GABRB2: variants seen among roughly 807,000 people sequenced by gnomAD.
GABRB2 encodes the protein gamma-aminobutyric acid type A receptor subunit beta2, also known as gamma-aminobutyric acid receptor subunit beta-2.
In GABRB2, 16 loss-of-function variants were observed where a neutral mutation model predicts 54.7. The ratio of observed to expected loss-of-function variants is 0.29; its 90% CI spans 0.20 to 0.44. The LOEUF (loss-of-function observed/expected upper bound fraction) is 0.44. Ranked by LOEUF, GABRB2 falls within the 20% of genes least tolerant of loss-of-function variation. GABRB2 has a pLI of 1.00. For missense variants in GABRB2, 355 were observed against 644.0 expected, an observed-to-expected ratio of 0.55 and a Z score of 4.86; for synonymous variants, 244 against 233.8, an observed-to-expected ratio of 1.04 and a Z score of -0.40.
intron 5 of GABRB2, among the ~76,000 whole-genome samples, chr5:161,375,972 A>G (rs185607581): frequency 1.5e-4 from 23 of 152,302 alleles, no homozygotes; most frequent in Admixed American, 6.5e-4. Flanking sequence ...TGCTTATTCT[A>G]TTTAATCCAT....
At chr5:161,358,674 T>C (rs901675263) in intron 5 of GABRB2, among the ~76,000 whole-genome samples, 1 of 151,788 alleles carries the variant, frequency 6.6e-6, no homozygotes, top group East Asian at 1.9e-4. Flanking sequence ...TTCTGGTAGG[T>C]GGGTAGAGGT....
chr5:161,483,030 A>G (rs569064243), intron 3 of GABRB2, among the ~76,000 whole-genome samples: 1 of 152,182 alleles, frequency 6.6e-6, no homozygotes, highest in South Asian at 2.1e-4. Context: ...TATTTTTCTT[A>G]GAAATTTGCT....
chr5:161,490,837 G>C (rs994908988), intron 3 of GABRB2, among the ~76,000 whole-genome samples: 4 of 151,650 alleles, frequency 2.6e-5, no homozygotes, highest in African/African-American at 9.7e-5. Context: ...CCTTTCTCAC[G>C]TGCTTATTGT....
chr5:161,310,112 T>C (rs766648669), intron 9 of GABRB2, among the ~76,000 whole-genome samples: 64 of 152,222 alleles, frequency 4.2e-4, no homozygotes, highest in Non-Finnish European at 7.8e-4. Flanking sequence ...AGCTAAATAA[T>C]GAGAACACAT....
At chr5:161,445,790 A>G (rs761793195) in intron 4 of GABRB2, among the ~76,000 whole-genome samples, 1 of 152,126 alleles carries the variant, frequency 6.6e-6, no homozygotes, top group Non-Finnish European at 1.5e-5. Flanking sequence ...GGCCAAACCA[A>G]TGTCCATCTT....
chr5:161,295,644 G>T (rs1416861632), intron 9 of GABRB2, among the ~76,000 whole-genome samples: 3 of 152,102 alleles, frequency 2.0e-5, no homozygotes, highest in Non-Finnish European at 4.4e-5. Context: ...AAGCAAAAAA[G>T]AATGTCATTA....
At chr5:161,313,138 G>T (rs1392747402) in intron 9 of GABRB2, among the ~76,000 whole-genome samples, 1 of 152,224 alleles carries the variant, frequency 6.6e-6, no homozygotes, top group Non-Finnish European at 1.5e-5. Context: ...GTCAAGGAAT[G>T]AGAAGCAGTG....
chr5:161,398,272 T>G (rs1025062620), intron 5 of GABRB2, among the ~76,000 whole-genome samples: 17 of 152,206 alleles, frequency 1.1e-4, no homozygotes, highest in African/African-American at 3.9e-4. Flanking sequence ...TGAAATTAGT[T>G]AAATTGATAA....
chr5:161,487,523 C>A (rs769705951), intron 3 of GABRB2, among the ~76,000 whole-genome samples: 2 of 151,806 alleles, frequency 1.3e-5, no homozygotes, highest in Admixed American at 6.6e-5. Flanking sequence ...CATATGGAGT[C>A]AAACAGAAAA....
intron 7 of GABRB2, 76 bp from the exon 8 acceptor site, chr5:161,331,203 C>T (rs1753827931): frequency 6.9e-7 from 1 of 1,458,054 alleles, no homozygotes; most frequent in Non-Finnish European, 9.2e-7. Context: ...GAAAGGTGAT[C>T]TATATTCATT....
At chr5:161,520,227 G>A (rs988971345) in intron 3 of GABRB2, among the ~76,000 whole-genome samples, 5 of 152,114 alleles carry the variant, frequency 3.3e-5, no homozygotes, top group Non-Finnish European at 5.9e-5. Flanking sequence ...CTGGTAGTAG[G>A]TTAAGCGCTG....
At position 161,292,233 on chromosome 5, in the gene GABRB2, C is replaced by G. The variant is rs537934463; in HGVS notation, c.*1848G>C. On this transcript the variant is annotated 3_prime_UTR_variant, in exon 10 of 10. Coordinates refer to ENST00000393959, the MANE Select transcript of GABRB2 (RefSeq NM_001371727.1). ...CCAAGCTGCTAAATCATGAAGGAAA[C>G]AAGGAATCAAGAAAACATACATTAT... 4.1e-4 allele frequency: 62 copies of G among 152,198 alleles called. No individual in the cohort carries two copies. Among genetic ancestry groups the G allele is most frequent in the African/African-American group, 1.4e-3 (59 of 41,534 alleles). 9.4% of individuals were successfully genotyped at this position (152,198 alleles called of 1,614,324 possible).
rs752289093 is a variant in GABRB2 at position 161,546,606 on chromosome 5, C to G, written c.38G>C (p.Trp13Ser). 1 of 1,600,948 alleles carries G rather than the reference C, an allele frequency of 6.2e-7. No individual in the cohort carries two copies. Among genetic ancestry groups the G allele is most frequent in the Non-Finnish European group, 8.5e-7 (1 of 1,173,232 alleles). The stretch of plus-strand genomic sequence containing the variant: ...AGCGGCGATTATTAAGGGGAAGGAC[C>G]AAATCCCAAAGTAGCCCCTTTTCCG... ...RVRKRGYFGI[W>S]SFPLIIAAVC... The change falls in exon 1 of 10, where the codon TGG becomes TCG. Residue 13 changes from tryptophan to serine, a missense_variant. By Grantham distance (177) the Trp-to-Ser change is radical. Transcript: ENST00000393959.
chr5:161,371,424 A>G (rs1318144362), intron 5 of GABRB2, among the ~76,000 whole-genome samples: 1 of 152,118 alleles, frequency 6.6e-6, no homozygotes, highest in Non-Finnish European at 1.5e-5. Context: ...ATCTCTTTTA[A>G]TAGCCTTCAG....
chr5:161,462,689 G>T (rs1218984870), intron 3 of GABRB2, among the ~76,000 whole-genome samples: 1 of 152,118 alleles, frequency 6.6e-6, no homozygotes, highest in Non-Finnish European at 1.5e-5. Context: ...TCTGTTATTT[G>T]TCAGCAAGGC....
chr5:161,368,955 G>C lies in GABRB2; in HGVS notation c.542-32186C>G, dbSNP rs551226384. ...GTTTGATGGTATAATGTAGGGCCCT[G>C]CATAGCAAATTGTATTTATGACAGA... On this transcript the variant is annotated intron_variant, in intron 5 of 9. Transcript: ENST00000393959. 3.3e-5 allele frequency among the ~76,000 whole-genome samples: 5 copies of C among 152,290 alleles called. No individual in the cohort carries two copies. The East Asian group carries it at 9.7e-4, about 29-fold the overall frequency.
intron 3 of GABRB2, among the ~76,000 whole-genome samples, chr5:161,482,201 C>G (rs1038555135): frequency 6.6e-6 from 1 of 151,968 alleles, no homozygotes; most frequent in East Asian, 1.9e-4. Context: ...ACATCCCTCA[C>G]GAGGTGTGCA....
chr5:161,512,150 T>G (rs1399124268), intron 3 of GABRB2, among the ~76,000 whole-genome samples: 1 of 152,044 alleles, frequency 6.6e-6, no homozygotes, highest in Admixed American at 6.6e-5. Context: ...CTACTTAAAA[T>G]GGCCATACTG....
At chr5:161,370,164 A>G (rs1755091225) in intron 5 of GABRB2, among the ~76,000 whole-genome samples, 1 of 152,206 alleles carries the variant, frequency 6.6e-6, no homozygotes, top group African/African-American at 2.4e-5. Context: ...CCTTGTCAAG[A>G]AGATATTTCC....
Sources: gnomAD v4.1 joint callset for allele counts (sites outside exome capture counted in the v4.1 genomes callset) on GRCh38, gnomAD v4.1.1 for gene constraint, MANE v1.5 for transcripts, NCBI Gene and HGNC (gene_info 2026-07-23, HGNC 2026-07-21) for gene names.